TRMT10B: variants seen among roughly 807,000 people sequenced by gnomAD.
The protein encoded by TRMT10B is tRNA methyltransferase 10B.
Under a neutral mutation model 43.8 loss-of-function variants are expected in TRMT10B, and 33 were observed. That is an observed-to-expected ratio of 0.75 (90% confidence interval 0.57 to 1.01). The LOEUF (loss-of-function observed/expected upper bound fraction) is 1.01. Among genes scored for constraint, TRMT10B ranks in the 50% least tolerant of loss-of-function variants. The pLI is 0.00. For synonymous variants in TRMT10B, 137 were observed against 130.6 expected (o/e 1.05, Z -0.34); for missense variants, 362 against 369.8 (o/e 0.98, Z 0.17).
At chr9:37,773,274 A>ATT (rs3076727) in intron 7 of TRMT10B, among the ~76,000 whole-genome samples, 20 of 144,846 alleles carry the variant, frequency 1.4e-4, no homozygotes, top group East Asian at 6.1e-4. Flanking sequence ...TGGCCAGCTA[A>ATT]TTTTTTTTTT....
rs398010742 is a variant in TRMT10B, at chr9:37,771,888, T to TG, written c.720+1149_720+1150insG. 1.1e-3 allele frequency among the ~76,000 whole-genome samples: 161 copies of TG among 152,100 alleles called. 1 individual carries two copies. Among genetic ancestry groups the TG allele is most frequent in the Admixed American group, 1.8e-3 (27 of 15,278 alleles). ...CTTGACAGAAAATGTTTTTTTTTTTTCTTTTGAAGCAGGGCCTTGCTCTGT... is the reference window on the plus strand; with the variant it reads ...CTTGACAGAAAATGTTTTTTTTTTTTGCTTTTGAAGCAGGGCCTTGCTCTGT... On this transcript the variant is annotated intron_variant, in intron 7 of 8. Transcript: ENST00000297994.
chr9:37,769,707 G>A (rs2118866037), intron 5 of TRMT10B: 1 of 481,012 alleles, frequency 2.1e-6, no homozygotes, highest in East Asian at 3.4e-5. Flanking sequence ...AAGCCATCCT[G>A]CCACCTCACT....
chr9:37,763,437 G>T (rs896739801), intron 3 of TRMT10B, among the ~76,000 whole-genome samples, 192 bp from the exon 4 acceptor site: 2 of 152,148 alleles, frequency 1.3e-5, no homozygotes, highest in African/African-American at 4.8e-5. Flanking sequence ...ACTGAACTTG[G>T]ATTTAAACCC....
Position 37,762,647 on chromosome 9 carries a change from A to C in TRMT10B, c.257A>C (p.Glu86Ala), listed in dbSNP as rs1441208581. The C allele has an allele frequency of 1.3e-6, 2 of 1,594,954 alleles. No individual in the cohort carries two copies. The highest frequency in any genetic ancestry group is 1.3e-5 in the African/African-American group (1 of 74,754). ...GCAAAGAAGAGCAAAAGAAAGCAAG[A>C]AAAAGAACGAAGAAAAGCCAATCGT... ...VAAKKSKRKQ[E>A]KERRKANRAE... Residue 86 changes from glutamate (E) to alanine (A), a missense_variant, in exon 3 of 9, where the codon GAA becomes GCA. Glu to Ala is a moderately radical substitution (Grantham distance 107). Coordinates refer to ENST00000297994, the MANE Select transcript of TRMT10B (RefSeq NM_144964.4).
Position 37,777,604 on chromosome 9 carries a change from T to C in TRMT10B, c.848T>C (p.Phe283Ser), listed in dbSNP as rs764341865. 4 of 1,612,288 alleles carry C rather than the reference T, an allele frequency of 2.5e-6. No homozygotes were observed. The South Asian group carries it at 4.4e-5, about 18-fold the overall frequency. Residue 283 changes from phenylalanine (F) to serine (S), a missense_variant, in exon 9 of 9, where the codon TTT (phenylalanine) becomes TCT (serine). Transcript: ENST00000297994. ...TTTTCTGTTTACTCTCTAACAGTGT[T>C]TGATATCCTGTCCACTTACTTAGAG... is the stretch of plus-strand genomic sequence containing the variant. ...HSEILAINQVFDILSTYLETH... is the reference protein window; with the variant it reads ...HSEILAINQVSDILSTYLETH...
intron 1 of TRMT10B, among the ~76,000 whole-genome samples, chr9:37,756,885 C>T (rs1825783421): frequency 6.6e-6 from 1 of 151,702 alleles, no homozygotes; most frequent in South Asian, 2.1e-4. Flanking sequence ...CACATATATA[C>T]ATATACAGGT....
At position 37,769,989 on chromosome 9, in the gene TRMT10B, C is replaced by G; in HGVS notation, c.622C>G (p.Leu208Val). Residue 208 changes from leucine to valine, a missense_variant, in exon 6 of 9, where the codon CTT (leucine) becomes GTT (valine). Leu to Val is a conservative substitution (Grantham distance 32, BLOSUM62 1). Coordinates refer to ENST00000297994, the MANE Select transcript of TRMT10B (RefSeq NM_144964.4). The stretch of plus-strand genomic sequence containing the variant: ...CTTTAGTTTATTTCCCTTGGAAACC[C>G]TTGTGTACCTGACTCCTGACTCAGA... The part of the protein sequence containing the change: ...DCFSLFPLET[L>V]VYLTPDSEHA... 6.2e-7 allele frequency: 1 copy of G among 1,614,104 alleles called. No homozygotes were observed. The highest frequency in any genetic ancestry group is 1.1e-5 in the South Asian group (1 of 91,074).
intron 3 of TRMT10B, among the ~76,000 whole-genome samples, chr9:37,763,143 CAA>C (rs747893643): frequency 6.4e-4 from 32 of 50,210 alleles, no homozygotes; most frequent in Non-Finnish European, 1.0e-3. Flanking sequence ...GACTCTGTCT[CAA>C]AAAAAAAAAA....
At chr9:37,759,471 TTGTGGGAA>T (rs1465689997) in intron 1 of TRMT10B, among the ~76,000 whole-genome samples, 1 of 152,174 alleles carries the variant, frequency 6.6e-6, no homozygotes, top group African/African-American at 2.4e-5. Flanking sequence ...CTTTGGCAAG[TTGTGGGAA>T]TGGGATGAAG....
rs1417319675 is a variant in TRMT10B at position 37,768,237 on chromosome 9, C to CT, written c.573+14dup. 1 of 1,601,248 alleles carries CT rather than the reference C, an allele frequency of 6.2e-7. No homozygotes were observed. Among genetic ancestry groups the CT allele is most frequent in the Non-Finnish European group, 8.5e-7 (1 of 1,172,976 alleles). ...GATTTTCTAGTTACCTGGTAAGTCT[C>CT]TTTTTGCATATTATTTGAATTGTCA... On this transcript the variant is annotated intron_variant, in intron 5 of 8. Coordinates refer to ENST00000297994, the MANE Select transcript of TRMT10B (RefSeq NM_144964.4).
At chr9:37,776,922 G>A (rs1323235774) in intron 8 of TRMT10B, among the ~76,000 whole-genome samples, 7 of 150,398 alleles carry the variant, frequency 4.7e-5, no homozygotes, top group Non-Finnish European at 4.4e-5. Context: ...AGCTGGGCAC[G>A]GTGGCTCACA....
chr9:37,775,689 A>ACACCC (rs899695738), intron 7 of TRMT10B, among the ~76,000 whole-genome samples: 4 of 152,000 alleles, frequency 2.6e-5, no homozygotes, highest in African/African-American at 9.7e-5. Context: ...ACACACCAGC[A>ACACCC]CACCCTGTTA....
chr9:37,768,844 C>T (rs1368478216), intron 5 of TRMT10B, among the ~76,000 whole-genome samples: 1 of 152,182 alleles, frequency 6.6e-6, no homozygotes, highest in African/African-American at 2.4e-5. Context: ...CACAGTCTCT[C>T]TTGTAGTGCA....
rs755580875 is a variant in TRMT10B, at chr9:37,777,712, C to T, written c.*5C>T. On this transcript the variant is annotated 3_prime_UTR_variant, in exon 9 of 9. Transcript: ENST00000297994. Reference sequence around the variant, plus strand: ...CTTCGGAACTCAGTGGAATGATGGGCCTAAGATTGCAGCTGCGTGGCCAGG... The same window carrying T: ...CTTCGGAACTCAGTGGAATGATGGGTCTAAGATTGCAGCTGCGTGGCCAGG... 5.6e-6 allele frequency: 9 copies of T among 1,611,788 alleles called. No homozygotes were observed. The South Asian group carries it at 9.9e-5, about 18-fold the overall frequency.
rs1337665710 is a variant in TRMT10B at position 37,770,037 on chromosome 9, T to C, written c.652+18T>C. On this transcript the variant is annotated intron_variant, in intron 6 of 8. Transcript: ENST00000297994. ...AGAACACGGTATGTAGTTGAATGCA[T>C]GGATTCGTATAGCCCATTGTTCCTG... 3 of 1,591,676 alleles carry C rather than the reference T, an allele frequency of 1.9e-6. No individual in the cohort carries two copies. Among genetic ancestry groups the C allele is most frequent in the African/African-American group, 2.7e-5 (2 of 74,454 alleles).
At chr9:37,768,266 GAA>G in intron 5 of TRMT10B, 38 bp downstream of exon 5, 1 of 1,565,462 alleles carries the variant, frequency 6.4e-7, no homozygotes, top group Admixed American at 1.8e-5. Context: ...ATTGTCATCT[GAA>G]AAGTTATTGT....
chr9:37,754,445 G>A (rs1825384539), intron 1 of TRMT10B, among the ~76,000 whole-genome samples: 2 of 152,178 alleles, frequency 1.3e-5, no homozygotes, highest in Admixed American at 6.5e-5. Flanking sequence ...AGACCTTAGT[G>A]ATCTGCATAG....
intron 7 of TRMT10B, among the ~76,000 whole-genome samples, chr9:37,773,940 A>G (rs1319003501): frequency 6.9e-6 from 1 of 145,254 alleles, no homozygotes; most frequent in African/African-American, 2.6e-5. Flanking sequence ...GATGCAACAC[A>G]GTGAGACCCT....
At chr9:37,765,752 T>C (rs944718781) in intron 4 of TRMT10B, among the ~76,000 whole-genome samples, 2 of 152,166 alleles carry the variant, frequency 1.3e-5, no homozygotes, top group Non-Finnish European at 2.9e-5. Flanking sequence ...GCACCTGTTG[T>C]TTCCTGACTT....
Sources: gnomAD v4.1 joint callset for allele counts (sites outside exome capture counted in the v4.1 genomes callset) on GRCh38, gnomAD v4.1.1 for gene constraint, MANE v1.5 for transcripts, NCBI Gene and HGNC (gene_info 2026-07-23, HGNC 2026-07-21) for gene names.